The following SCAMP5 variants were observed in gnomAD, a reference collection of about 807,000 sequenced individuals.
The protein encoded by SCAMP5 is secretory carrier-associated membrane protein 5.
In SCAMP5, 7 loss-of-function variants were observed where a neutral mutation model predicts 28.3. The ratio of observed to expected loss-of-function variants is 0.25; its 90% CI spans 0.14 to 0.46. SCAMP5 has a LOEUF of 0.46. Ranked by LOEUF, SCAMP5 falls within the 20% of genes least tolerant of loss-of-function variation. The pLI, the probability that SCAMP5 is intolerant of heterozygous loss-of-function variation, is 0.99. For missense variants in SCAMP5, 192 were observed against 312.5 expected, an observed-to-expected ratio of 0.61 and a Z score of 2.91; for synonymous variants, 117 against 116.4, an observed-to-expected ratio of 1.00 and a Z score of -0.03.
intron 1 of SCAMP5, among the ~76,000 whole-genome samples, chr15:75,005,403 C>T (rs1333135867): frequency 2.7e-5 from 4 of 150,856 alleles, no homozygotes; most frequent in South Asian, 2.1e-4. Flanking sequence ...GAGGTTGCGG[C>T]GAGCCACGAT....
intron 1 of SCAMP5, among the ~76,000 whole-genome samples, chr15:75,006,836 G>T (rs1438695844): frequency 1.3e-5 from 2 of 151,884 alleles, no homozygotes; most frequent in Admixed American, 6.6e-5. Context: ...CAGCTACTCG[G>T]GAGGCTGAAG....
chr15:75,014,316 G>A (rs532662369), intron 3 of SCAMP5, among the ~76,000 whole-genome samples: 1 of 152,324 alleles, frequency 6.6e-6, no homozygotes, highest in South Asian at 2.1e-4. Flanking sequence ...GAGAGAAGGG[G>A]GGATGGGACA....
At chr15:75,017,563 A>G (rs2065869868) in intron 4 of SCAMP5, 5 of 553,350 alleles carry the variant, frequency 9.0e-6, no homozygotes, top group Non-Finnish European at 1.6e-5. Flanking sequence ...CCCCTTGACA[A>G]TGAGACTATT....
intron 3 of SCAMP5, 50 bp downstream of exon 3, chr15:75,012,855 A>G (rs2065824859): frequency 6.2e-7 from 1 of 1,602,670 alleles, no homozygotes; most frequent in South Asian, 1.1e-5. Flanking sequence ...GGAGGCAGGA[A>G]GACTGGGCGT....
At chr15:75,000,185 G>A (rs1243288170) in intron 1 of SCAMP5, among the ~76,000 whole-genome samples, 2 of 151,962 alleles carry the variant, frequency 1.3e-5, no homozygotes, top group African/African-American at 4.8e-5. Context: ...TAGCTAAAAA[G>A]CAACATATTA....
intron 1 of SCAMP5, among the ~76,000 whole-genome samples, chr15:75,000,605 C>T (rs963662848): frequency 2.7e-5 from 4 of 150,812 alleles, no homozygotes; most frequent in Non-Finnish European, 5.9e-5. Context: ...AGGATGGTCT[C>T]AATTTCCTGA....
chr15:74,998,197 T>C (rs762839150), intron 1 of SCAMP5, among the ~76,000 whole-genome samples: 10 of 152,266 alleles, frequency 6.6e-5, no homozygotes, highest in Non-Finnish European at 1.5e-4. Context: ...TGCTATCTTA[T>C]TGATAATTAA....
At position 75,012,600 on chromosome 15, in the gene SCAMP5, G is replaced by C; in HGVS notation, c.8-77G>C. The stretch of plus-strand genomic sequence containing the variant: ...CCACAGGGGCCAATGGGGCAGCACA[G>C]CCAGGGGAAGGATGGGCGTCTTGGA... On this transcript the variant is annotated intron_variant, in intron 2 of 6. Transcript: ENST00000425597. 5 of 1,571,748 alleles carry C rather than the reference G, an allele frequency of 3.2e-6. No homozygotes were observed. In the Admixed American group the frequency reaches 5.0e-5, roughly 16 times the overall value.
At chr15:75,017,131 C>T (rs2065866592) in intron 4 of SCAMP5, among the ~76,000 whole-genome samples, 1 of 152,076 alleles carries the variant, frequency 6.6e-6, no homozygotes, top group Non-Finnish European at 1.5e-5. Context: ...GCCAAGGACA[C>T]CATCTATCCA....
chr15:75,002,530 C>A (rs992365659), intron 1 of SCAMP5, among the ~76,000 whole-genome samples: 3 of 152,026 alleles, frequency 2.0e-5, no homozygotes, highest in Non-Finnish European at 4.4e-5. Flanking sequence ...CAAAACGATT[C>A]TTGCTGGATT....
chr15:75,018,613 A>G lies in SCAMP5; in HGVS notation c.513+78A>G. ...TGAAACAAGCCCTCCTCCAAGTTGC[A>G]AGAGGATCCCGAGGTCTTCCAAGGG... On this transcript the variant is annotated intron_variant, in intron 6 of 6. Transcript: ENST00000425597. This position sits in a 1 kb window ranked among gnomAD's most constrained non-coding sequence, Gnocchi z 5.6. The G allele has an allele frequency of 1.7e-6, 2 of 1,177,938 alleles. No individual in the cohort carries two copies. Among genetic ancestry groups the G allele is most frequent in the Non-Finnish European group, 2.6e-6 (2 of 782,346 alleles). 73.0% of individuals were successfully genotyped at this position (1,177,938 alleles called of 1,614,324 possible). A position where few individuals can be genotyped will look rare whatever the true frequency, so the allele number is the denominator to read the frequency against.
chr15:75,010,774 T>G lies in SCAMP5; in HGVS notation c.-48-1018T>G, dbSNP rs550997646. Among the ~76,000 whole-genome samples the G allele has an allele frequency of 5.3e-5, 8 of 150,658 alleles. No individual in the cohort carries two copies. The East Asian group carries it at 1.5e-3, about 29-fold the overall frequency. On this transcript the variant is annotated intron_variant, in intron 1 of 6. Coordinates refer to ENST00000425597, the MANE Select transcript of SCAMP5 (RefSeq NM_138967.4). The stretch of plus-strand genomic sequence containing the variant: ...CAGCCTGGGTGACAGAGTGAGACCC[T>G]GTCTAAGAAAAAAAAAAATGTGAAG...
intron 1 of SCAMP5, among the ~76,000 whole-genome samples, chr15:75,003,310 G>T (rs2065726673): frequency 6.6e-6 from 1 of 152,080 alleles, no homozygotes; most frequent in Non-Finnish European, 1.5e-5. Flanking sequence ...ATATGGAAAT[G>T]GTATAAAGTT....
chr15:75,008,682 G>T (rs2065783882), intron 1 of SCAMP5, among the ~76,000 whole-genome samples: 2 of 151,616 alleles, frequency 1.3e-5, no homozygotes, highest in Admixed American at 6.6e-5. Context: ...GTATTTTTTT[G>T]GTAGAGATGG....
rs113521498 is a variant in SCAMP5 at position 75,015,845 on chromosome 15, G to A, written c.137-748G>A. On this transcript the variant is annotated intron_variant, in intron 3 of 6. Coordinates refer to ENST00000425597, the MANE Select transcript of SCAMP5 (RefSeq NM_138967.4). The stretch of plus-strand genomic sequence containing the variant: ...GGAGGCTGAAGCAGGAGAATCGCTT[G>A]AACCTGAGAAGTGGAGGTTGCAGTG... 6.8e-3 allele frequency among the ~76,000 whole-genome samples: 976 copies of A among 144,436 alleles called. 11 individuals carry two copies. The highest frequency in any genetic ancestry group is 0.024 in the African/African-American group (923 of 38,990). 94.8% of individuals were successfully genotyped at this position (144,436 alleles called of 152,430 possible).
chr15:74,999,933 A>G (rs1480670484), intron 1 of SCAMP5, among the ~76,000 whole-genome samples: 1 of 152,236 alleles, frequency 6.6e-6, no homozygotes, highest in African/African-American at 2.4e-5. Context: ...GTATTCATTA[A>G]CATGAAAAAC....
In SCAMP5 at chr15:75,018,281, G is replaced by A. The variant is rs2065875668; in HGVS notation, c.396-137G>A. On this transcript the variant is annotated intron_variant, in intron 5 of 6. Coordinates refer to ENST00000425597, the MANE Select transcript of SCAMP5 (RefSeq NM_138967.4). The surrounding 1 kb of genome is among the most constrained non-coding windows in gnomAD (Gnocchi z 5.6). ...CTTGAGCCACTGGCACAGGTTCTTT[G>A]GGTATCAGTAAGATGGTCCCTCTGC... is the stretch of plus-strand genomic sequence containing the variant. 1.4e-6 allele frequency: 1 copy of A among 705,788 alleles called. No individual in the cohort carries two copies. The highest frequency in any genetic ancestry group is 2.6e-6 in the Non-Finnish European group (1 of 385,690). 43.7% of individuals were successfully genotyped at this position (705,788 alleles called of 1,614,324 possible). A position where few individuals can be genotyped will look rare whatever the true frequency, so the allele number is the denominator to read the frequency against.
intron 3 of SCAMP5, among the ~76,000 whole-genome samples, chr15:75,015,342 G>A (rs1182063057): frequency 4.6e-5 from 7 of 151,918 alleles, no homozygotes; most frequent in Non-Finnish European, 4.4e-5. Flanking sequence ...GCACAGACCC[G>A]CATGTGTGTT....
chr15:75,013,650 CAT>C lies in SCAMP5; in HGVS notation c.136+847_136+848del, dbSNP rs550258733. 3.0e-4 allele frequency among the ~76,000 whole-genome samples: 45 copies of C among 152,184 alleles called. No individual in the cohort carries two copies. In the East Asian group the frequency reaches 6.8e-3, roughly 23 times the overall value. Reference sequence around the variant, plus strand: ...AGGAGTTTGAGACCAGTATGGGCAACATAGCAATACCCCATCTCTTTAAAAAA... The same window carrying C: ...AGGAGTTTGAGACCAGTATGGGCAACAGCAATACCCCATCTCTTTAAAAAA... On this transcript the variant is annotated intron_variant, in intron 3 of 6. Transcript: ENST00000425597.
Sources: allele counts gnomAD v4.1 joint callset (sites outside exome capture counted in the v4.1 genomes callset), GRCh38; gene constraint gnomAD v4.1.1; non-coding constraint Gnocchi (gnomAD v3.1); transcripts MANE v1.5; gene names NCBI Gene and HGNC (gene_info 2026-07-23, HGNC 2026-07-21).